Variants in PAX5 observed in about 807,000 individuals in gnomAD.
PAX5 encodes the protein paired box 5.
Under a neutral mutation model 43.7 loss-of-function variants are expected in PAX5, and 9 were observed. The observed-to-expected ratio is 0.21, with a 90% CI of 0.12 to 0.36. The LOEUF (loss-of-function observed/expected upper bound fraction) is 0.36, where lower values mean the gene tolerates loss of function less well. PAX5 is among the 10% of genes least tolerant of loss of function. PAX5 has a pLI of 1.00. For synonymous variants in PAX5, 228 were observed against 214.3 expected (o/e 1.06, Z -0.56); for missense variants, 383 against 532.7 (o/e 0.72, Z 2.77).
rs533088109 is a variant in PAX5 at position 36,947,726 on chromosome 9, A to ATT, written c.780+18821_780+18822dup. On this transcript the variant is annotated intron_variant, in intron 6 of 9. Coordinates refer to ENST00000358127, the MANE Select transcript of PAX5 (RefSeq NM_016734.3). Reference sequence around the variant, plus strand: ...TGTGTGTGTGAACATATATATATATATTTTTAACAGAATTTCCAAAACCAT... The same window carrying ATT: ...TGTGTGTGTGAACATATATATATATATTTTTTTAACAGAATTTCCAAAACCAT... 2.0e-4 allele frequency among the ~76,000 whole-genome samples: 31 copies of ATT among 151,834 alleles called. 1 individual carries two copies. The South Asian group carries it at 6.2e-3, about 31-fold the overall frequency.
chr9:36,861,661 G>C (rs752738514), intron 8 of PAX5, among the ~76,000 whole-genome samples: 6 of 151,934 alleles, frequency 3.9e-5, no homozygotes, highest in Non-Finnish European at 7.4e-5. Flanking sequence ...CAAAGGCCCT[G>C]GGGCAGGAGT....
chr9:37,021,949 G>C (rs1839891754), intron 1 of PAX5, among the ~76,000 whole-genome samples: 1 of 152,088 alleles, frequency 6.6e-6, no homozygotes, highest in Non-Finnish European at 1.5e-5. Flanking sequence ...GACCTCAAAG[G>C]TCTCACACAC....
intron 3 of PAX5, among the ~76,000 whole-genome samples, chr9:37,013,586 T>C (rs1024582324): frequency 2.6e-5 from 4 of 152,112 alleles, no homozygotes; most frequent in Non-Finnish European, 5.9e-5. Flanking sequence ...GAGCCTCTTA[T>C]AATCCATAAA....
chr9:36,867,775 A>C (rs1825040115), intron 8 of PAX5, among the ~76,000 whole-genome samples: 1 of 152,020 alleles, frequency 6.6e-6, no homozygotes, highest in Non-Finnish European at 1.5e-5. Context: ...CCTGGATTTA[A>C]GTCTCCCTGT....
At chr9:36,980,278 G>T (rs1240367110) in intron 5 of PAX5, among the ~76,000 whole-genome samples, 1 of 152,234 alleles carries the variant, frequency 6.6e-6, no homozygotes, top group Non-Finnish European at 1.5e-5. Context: ...CTGCAAATAA[G>T]CTTTGCATCT....
chr9:36,883,293 T>C (rs112040267), intron 7 of PAX5, among the ~76,000 whole-genome samples: 1 of 152,290 alleles, frequency 6.6e-6, no homozygotes, highest in Non-Finnish European at 1.5e-5. Flanking sequence ...GTTCAGAAGA[T>C]CAGTGCCTCA....
chr9:36,952,750 G>T (rs571886646), intron 6 of PAX5, among the ~76,000 whole-genome samples: 1 of 151,930 alleles, frequency 6.6e-6, no homozygotes, highest in Non-Finnish European at 1.5e-5. Context: ...CCTTCTAATA[G>T]AATATTCCCA....
chr9:36,837,986 G>C lies in PAX5; in HGVS notation c.*2574C>G, dbSNP rs12552392. ...ATCATTCCAAAAGAAGGGTGACAGG[G>C]GGCAGAGGCTCAAGAAGTCTGTGCT... On this transcript the variant is annotated 3_prime_UTR_variant, in exon 10 of 10. Transcript: ENST00000358127. 42 of 233,172 alleles carry C rather than the reference G, an allele frequency of 1.8e-4. No individual in the cohort carries two copies. The highest frequency in any genetic ancestry group is 8.8e-4 in the African/African-American group (40 of 45,430). 14.4% of individuals were successfully genotyped at this position (233,172 alleles called of 1,614,324 possible).
In PAX5 at chr9:36,840,624, T is replaced by C; in HGVS notation, c.1112A>G (p.Tyr371Cys). ...GGCTCCTCGGGCGGCAGCGCTATAA[T>C]AGTAGGGGGAGCCTGGAAGAGACGG... ...PNPGLLGSPY[Y>C]YSAAARGAAP... The change falls in exon 10 of 10, where the codon TAT (tyrosine) becomes TGT (cysteine). Residue 371 changes from tyrosine (Y) to cysteine (C), a missense_variant. Tyr to Cys is a radical substitution (Grantham distance 194). Transcript: ENST00000358127. The C allele has an allele frequency of 6.4e-7, 1 of 1,574,424 alleles. No homozygotes were observed. Among genetic ancestry groups the C allele is most frequent in the Non-Finnish European group, 8.6e-7 (1 of 1,160,274 alleles).
At chr9:36,982,291 A>G (rs986517721) in intron 5 of PAX5, among the ~76,000 whole-genome samples, 4 of 152,112 alleles carry the variant, frequency 2.6e-5, no homozygotes, top group Non-Finnish European at 5.9e-5. Flanking sequence ...AAAAATAAAT[A>G]AATAAAAAAT....
intron 7 of PAX5, among the ~76,000 whole-genome samples, chr9:36,885,968 T>C (rs531408398): frequency 6.6e-6 from 1 of 152,294 alleles, no homozygotes; most frequent in Non-Finnish European, 1.5e-5. Flanking sequence ...GGTTCAGCCG[T>C]GTGCCTTGCT....
intron 7 of PAX5, among the ~76,000 whole-genome samples, chr9:36,912,308 T>C (rs1303211420): frequency 6.6e-6 from 1 of 152,220 alleles, no homozygotes; most frequent in African/African-American, 2.4e-5. Context: ...CAAGGTCCGC[T>C]CATATAATCC....
intron 7 of PAX5, among the ~76,000 whole-genome samples, chr9:36,883,199 G>A (rs1826604076): frequency 6.6e-6 from 1 of 152,122 alleles, no homozygotes; most frequent in African/African-American, 2.4e-5. Context: ...CTTCAACGGT[G>A]GGTTGCTCTC....
At chr9:36,933,098 C>T (rs765440183) in intron 6 of PAX5, among the ~76,000 whole-genome samples, 16 of 149,144 alleles carry the variant, frequency 1.1e-4, no homozygotes, top group Non-Finnish European at 1.5e-4. Flanking sequence ...GAGCCAAGAT[C>T]GCACCACTGC....
chr9:37,010,038 G>A (rs1167138574), intron 3 of PAX5, among the ~76,000 whole-genome samples: 2 of 152,186 alleles, frequency 1.3e-5, no homozygotes, highest in Non-Finnish European at 1.5e-5. Context: ...TAAAAACAAA[G>A]AGCATCAGCT....
At chr9:36,898,480 A>G (rs1587909125) in intron 7 of PAX5, among the ~76,000 whole-genome samples, 1 of 151,004 alleles carries the variant, frequency 6.6e-6, no homozygotes, top group East Asian at 1.9e-4. Flanking sequence ...AACCCCAGCA[A>G]CCCCTCCCAT....
rs73438972 is a variant in PAX5, at chr9:37,005,822, G to A, written c.475+651C>T. On this transcript the variant is annotated intron_variant, in intron 4 of 9. Coordinates refer to ENST00000358127, the MANE Select transcript of PAX5 (RefSeq NM_016734.3). Reference sequence around the variant, plus strand: ...GTGGAGAAATAATACACCTTAAATAGACACATGTCATTTCACAATCTTTGA... The same window carrying A: ...GTGGAGAAATAATACACCTTAAATAAACACATGTCATTTCACAATCTTTGA... Among the ~76,000 whole-genome samples, 1,439 of 152,258 alleles carry A rather than the reference G, an allele frequency of 9.5e-3. 26 individuals carry two copies. Among genetic ancestry groups the A allele is most frequent in the African/African-American group, 0.033 (1,389 of 41,536 alleles).
intron 7 of PAX5, among the ~76,000 whole-genome samples, chr9:36,898,509 C>A (rs957802660): frequency 1.3e-5 from 2 of 152,180 alleles, no homozygotes; most frequent in Non-Finnish European, 2.9e-5. Context: ...CCTTCTGCCC[C>A]AGCCATCCCC....
At chr9:37,026,464 C>T in intron 1 of PAX5, 4 of 1,255,238 alleles carry the variant, frequency 3.2e-6, no homozygotes, top group Non-Finnish European at 4.2e-6. Context: ...TAGTACCTGA[C>T]CCACGGTCCG....
Sources: gnomAD v4.1 joint callset for allele counts (sites outside exome capture counted in the v4.1 genomes callset) on GRCh38, gnomAD v4.1.1 for gene constraint, MANE v1.5 for transcripts, NCBI Gene and HGNC (gene_info 2026-07-23, HGNC 2026-07-21) for gene names.